Variants in SCHIP1 observed in about 807,000 individuals in gnomAD.
The protein encoded by SCHIP1 is schwannomin-interacting protein 1.
SCHIP1 carries 8 observed loss-of-function variants against 29.7 expected under a neutral mutation model. The observed-to-expected ratio is 0.27, with a 90% confidence interval of 0.16 to 0.49. SCHIP1 has a LOEUF of 0.49. SCHIP1 is among the 20% of genes least tolerant of loss of function. The pLI, the probability that SCHIP1 is intolerant of heterozygous loss-of-function variation, is 0.99. For synonymous variants in SCHIP1, 76 were observed against 94.9 expected, an observed-to-expected ratio of 0.80 and a Z score of 1.16; for missense variants, 193 against 294.6, an observed-to-expected ratio of 0.66 and a Z score of 2.52.
At chr3:159,509,497 T>C in the SCHIP1 span, among the ~76,000 whole-genome samples, 1 of 152,232 alleles carries the variant, frequency 6.6e-6, no homozygotes, top group South Asian at 2.1e-4. Flanking sequence ...TGTGTGAATT[T>C]GATCCTGTCA....
the SCHIP1 span, among the ~76,000 whole-genome samples, chr3:159,601,742 G>A: frequency 2.0e-5 from 3 of 152,188 alleles, no homozygotes; most frequent in Non-Finnish European, 4.4e-5. Context: ...ATGCCTTTTG[G>A]TGCATTGCAC....
chr3:159,518,379 G>A, the SCHIP1 span, among the ~76,000 whole-genome samples: 1 of 152,018 alleles, frequency 6.6e-6, no homozygotes, highest in African/African-American at 2.4e-5. Context: ...ACTGGATGGT[G>A]GCTACATAGG....
chr3:159,389,480 G>T, the SCHIP1 span, among the ~76,000 whole-genome samples: 3 of 151,992 alleles, frequency 2.0e-5, no homozygotes, highest in Admixed American at 6.6e-5. Context: ...TTGGCTGCTT[G>T]GTCACTCTTT....
chr3:159,680,721 TATATATATAATATAC>T, the SCHIP1 span, among the ~76,000 whole-genome samples: 10 of 6,194 alleles, frequency 1.6e-3, no homozygotes, highest in East Asian at 0.032. Flanking sequence ...ATAATATATG[TATATATATAATATAC>T]ATATATAATA....
chr3:159,633,926 G>A, the SCHIP1 span, among the ~76,000 whole-genome samples: 4 of 151,976 alleles, frequency 2.6e-5, no homozygotes, highest in Admixed American at 6.6e-5. Flanking sequence ...ATGGACCTAC[G>A]CATAACAGTA....
At chr3:159,680,961 T>C in the SCHIP1 span, among the ~76,000 whole-genome samples, 1 of 151,516 alleles carries the variant, frequency 6.6e-6, no homozygotes, top group Non-Finnish European at 1.5e-5. Context: ...TACATATGCT[T>C]CGAATATCAA....
the SCHIP1 span, among the ~76,000 whole-genome samples, chr3:159,553,799 T>C: frequency 1.1e-3 from 170 of 151,206 alleles, 1 homozygote; most frequent in Admixed American, 3.0e-3. Flanking sequence ...ATATTTTTGT[T>C]TGTTGGTTTT....
At chr3:159,530,781 C>G in the SCHIP1 span, among the ~76,000 whole-genome samples, 3 of 152,286 alleles carry the variant, frequency 2.0e-5, no homozygotes, top group East Asian at 1.9e-4. Flanking sequence ...GACAAGGAGG[C>G]CTTATTGTCT....
the SCHIP1 span, among the ~76,000 whole-genome samples, chr3:159,737,029 C>T: frequency 2.6e-5 from 4 of 152,294 alleles, no homozygotes; most frequent in African/African-American, 7.2e-5. Context: ...CCACCACGCC[C>T]GGCCAAAGAC....
At chr3:159,668,124 CT>C in the SCHIP1 span, among the ~76,000 whole-genome samples, 1 of 152,002 alleles carries the variant, frequency 6.6e-6, no homozygotes, top group South Asian at 2.1e-4. Flanking sequence ...AATCCCAGCA[CT>C]TTGGGAGGCT....
At chr3:159,813,940 T>C in the SCHIP1 span, among the ~76,000 whole-genome samples, 1 of 152,150 alleles carries the variant, frequency 6.6e-6, no homozygotes, top group African/African-American at 2.4e-5. Flanking sequence ...AACAGACAAC[T>C]ATCCAGACCT....
At chr3:159,447,255 ATAACTTATT>A in the SCHIP1 span, among the ~76,000 whole-genome samples, 6 of 152,204 alleles carry the variant, frequency 3.9e-5, no homozygotes, top group African/African-American at 1.4e-4. Context: ...ATTAAATAAT[ATAACTTATT>A]AAAATCTTGG....
At chr3:159,619,050 G>C in the SCHIP1 span, among the ~76,000 whole-genome samples, 1 of 152,118 alleles carries the variant, frequency 6.6e-6, no homozygotes, top group African/African-American at 2.4e-5. Flanking sequence ...TTTACTTCGG[G>C]GCTGGTAGCC....
chr3:159,431,456 G>A, the SCHIP1 span, among the ~76,000 whole-genome samples: 1 of 152,188 alleles, frequency 6.6e-6, no homozygotes, highest in African/African-American at 2.4e-5. Context: ...TGTTGTTTGA[G>A]GATAAAAGAG....
At chr3:159,798,619 G>A in the SCHIP1 span, among the ~76,000 whole-genome samples, 28 of 152,142 alleles carry the variant, frequency 1.8e-4, no homozygotes, top group Admixed American at 4.6e-4. Flanking sequence ...TTAGTTGGGC[G>A]TGGTGGTGCA....
At chr3:159,842,984 T>C (rs1323218058) in intron 1 of SCHIP1, among the ~76,000 whole-genome samples, 1 of 147,622 alleles carries the variant, frequency 6.8e-6, no homozygotes, top group African/African-American at 2.5e-5. Context: ...TCTCCAGTTC[T>C]ATCCCAATAT....
At chr3:159,884,239 T>G (rs1716732318) in intron 2 of SCHIP1, among the ~76,000 whole-genome samples, 2 of 152,106 alleles carry the variant, frequency 1.3e-5, no homozygotes, top group Non-Finnish European at 2.9e-5. Context: ...GGGGTTGATT[T>G]TATTTTTTTA....
the SCHIP1 span, among the ~76,000 whole-genome samples, chr3:159,819,573 T>C: frequency 6.6e-6 from 1 of 152,232 alleles, no homozygotes; most frequent in Non-Finnish European, 1.5e-5. Context: ...TCTGCTTGAC[T>C]GTCACTTGCA....
chr3:159,666,869 GC>G, the SCHIP1 span, among the ~76,000 whole-genome samples: 1 of 152,168 alleles, frequency 6.6e-6, no homozygotes, highest in South Asian at 2.1e-4. Flanking sequence ...TACCAAACCT[GC>G]CCGATGTCTA....
Sources: gnomAD v4.1 joint callset for allele counts (sites outside exome capture counted in the v4.1 genomes callset) on GRCh38, gnomAD v4.1.1 for gene constraint, MANE v1.5 for transcripts, NCBI Gene and HGNC (gene_info 2026-07-23, HGNC 2026-07-21) for gene names.